The following TENM2 variants were observed in gnomAD, a reference collection of about 807,000 sequenced individuals.
The protein encoded by TENM2 is teneurin-2.
In TENM2, 52 loss-of-function variants were observed where a neutral mutation model predicts 245.2. The ratio of observed to expected loss-of-function variants is 0.21; its 90% confidence interval spans 0.17 to 0.27. TENM2 has a LOEUF of 0.27. Among genes scored for constraint, TENM2 ranks in the 10% least tolerant of loss-of-function variants. TENM2 has a pLI of 1.00. For missense variants in TENM2, 3,046 were observed against 3,666.8 expected (o/e 0.83, Z 4.37); for synonymous variants, 1,363 against 1,438.9 (o/e 0.95, Z 1.19).
intron 5 of TENM2, among the ~76,000 whole-genome samples, chr5:168,008,261 G>A (rs949408382): frequency 6.6e-6 from 1 of 152,130 alleles, no homozygotes; most frequent in Admixed American, 6.5e-5. Context: ...AAAAGGAGAA[G>A]CCAGAATTAA....
intron 2 of TENM2, among the ~76,000 whole-genome samples, chr5:167,593,048 T>G (rs1167084956): frequency 6.6e-6 from 1 of 152,230 alleles, no homozygotes; most frequent in Non-Finnish European, 1.5e-5. Context: ...TCTTAGAAAC[T>G]CTGTGATTCA....
chr5:168,217,015 G>A, intron 22 of TENM2, 93 bp downstream of exon 24: 3 of 1,398,802 alleles, frequency 2.1e-6, no homozygotes, highest in South Asian at 2.4e-5. Context: ...AAGTGGAATG[G>A]GAGGGAGAGA....
At chr5:167,014,970 A>G in the TENM2 span, among the ~76,000 whole-genome samples, 1 of 152,206 alleles carries the variant, frequency 6.6e-6, no homozygotes, top group Non-Finnish European at 1.5e-5. Flanking sequence ...CTGCCTGTTA[A>G]AAAGGTTCTA....
At chr5:167,568,157 C>G (rs187974083) in intron 2 of TENM2, among the ~76,000 whole-genome samples, 23 of 152,142 alleles carry the variant, frequency 1.5e-4, no homozygotes, top group African/African-American at 5.1e-4. Flanking sequence ...TTAAAATGTT[C>G]TCGGCAATGG....
intron 2 of TENM2, among the ~76,000 whole-genome samples, chr5:167,515,336 G>C (rs565574466): frequency 3.8e-4 from 58 of 152,046 alleles, no homozygotes; most frequent in Non-Finnish European, 5.3e-4. Flanking sequence ...TCTTTGCAAG[G>C]CAAATAATAA....
In TENM2 at chr5:168,244,298, G is replaced by A. The variant is rs1766355685; in HGVS notation, c.5521-122G>A. 1 of 808,374 alleles carries A rather than the reference G, an allele frequency of 1.2e-6. No individual in the cohort carries two copies. Among genetic ancestry groups the A allele is most frequent in the Non-Finnish European group, 1.8e-6 (1 of 561,886 alleles). The allele number at this position is 808,374 out of a possible 1,614,324, so 50.1% of individuals were successfully genotyped here. ...GCTTAGAAAGCACTACTCTAACTTT[G>A]GGGTTATTTCTTCCTCCAGTGAACA... On this transcript the variant is annotated intron_variant, in intron 25 of 28. Transcript: ENST00000518659. The surrounding 1 kb of genome is among the most constrained non-coding windows in gnomAD (Gnocchi z 4.9).
intron 2 of TENM2, among the ~76,000 whole-genome samples, chr5:167,592,770 A>G (rs1398742413): frequency 6.6e-6 from 1 of 152,206 alleles, no homozygotes; most frequent in Non-Finnish European, 1.5e-5. Flanking sequence ...TTTTACAGAT[A>G]AGCTCTTATT....
the TENM2 span, among the ~76,000 whole-genome samples, chr5:167,159,970 C>T: frequency 3.9e-5 from 6 of 152,136 alleles, no homozygotes; most frequent in East Asian, 1.9e-4. Flanking sequence ...GTGAAATGTA[C>T]AAGACTCAAA....
intron 2 of TENM2, among the ~76,000 whole-genome samples, chr5:167,758,026 A>G (rs1433478419): frequency 3.9e-5 from 6 of 152,304 alleles, no homozygotes; most frequent in Admixed American, 1.3e-4. Context: ...CTGTCAATAC[A>G]TAAGTGCAAA....
chr5:167,583,790 A>G (rs1333118206), intron 2 of TENM2, among the ~76,000 whole-genome samples: 2 of 151,952 alleles, frequency 1.3e-5, no homozygotes, highest in South Asian at 2.1e-4. Flanking sequence ...TGCTCTCCCA[A>G]TCTTCTACAT....
Position 167,375,507 on chromosome 5 carries a change from TGTGCACTGCACCAC to T in TENM2, c.502+38_502+51del, listed in dbSNP as rs778208834. 29 of 1,542,450 alleles carry T rather than the reference TGTGCACTGCACCAC, an allele frequency of 1.9e-5. No homozygotes were observed. In the African/African-American group the frequency reaches 3.6e-4, roughly 19 times the overall value. On this transcript the variant is annotated intron_variant, in intron 2 of 28. Transcript: ENST00000518659. ...GCTTCTTAAATACCTTTTAACGTTC[TGTGCACTGCACCAC>T]GTGGGGCTTTGAATGTTTTTGTTTT...
At chr5:167,626,324 T>C (rs1778496425) in intron 2 of TENM2, among the ~76,000 whole-genome samples, 1 of 151,726 alleles carries the variant, frequency 6.6e-6, no homozygotes, top group Non-Finnish European at 1.5e-5. Flanking sequence ...TTGGACGATA[T>C]TATCTGGATT....
rs1404637358 is a variant in TENM2, at chr5:168,023,800, A to G, written c.1187-23627A>G. 2.0e-5 allele frequency among the ~76,000 whole-genome samples: 3 copies of G among 152,086 alleles called. No individual in the cohort carries two copies. The East Asian group carries it at 5.8e-4, about 29-fold the overall frequency. Reference sequence around the variant, plus strand: ...ACATCCCGGAGGGTGCTCTCTTGCCACCTGCCCTGGGAGCTCCCTCTTCAT... The same window carrying G: ...ACATCCCGGAGGGTGCTCTCTTGCCGCCTGCCCTGGGAGCTCCCTCTTCAT... On this transcript the variant is annotated intron_variant, in intron 5 of 28. Transcript: ENST00000518659.
At chr5:167,555,162 C>A (rs185200347) in intron 2 of TENM2, among the ~76,000 whole-genome samples, 1 of 152,246 alleles carries the variant, frequency 6.6e-6, no homozygotes, top group Admixed American at 6.5e-5. Context: ...CTTGGAAAAG[C>A]ATTTGCAGCT....
intron 2 of TENM2, among the ~76,000 whole-genome samples, chr5:167,779,247 G>A (rs907047777): frequency 1.3e-5 from 2 of 152,154 alleles, no homozygotes; most frequent in African/African-American, 4.8e-5. Flanking sequence ...CAGCCACAAA[G>A]GTATTTTAGG....
chr5:167,415,816 G>A (rs773448701), intron 2 of TENM2, among the ~76,000 whole-genome samples: 3 of 152,102 alleles, frequency 2.0e-5, no homozygotes, highest in Non-Finnish European at 4.4e-5. Context: ...CTTCGCCGTG[G>A]TACATCTCTA....
chr5:167,718,132 A>T (rs1357399875), intron 2 of TENM2, among the ~76,000 whole-genome samples: 1 of 152,136 alleles, frequency 6.6e-6, no homozygotes, highest in Non-Finnish European at 1.5e-5. Context: ...CTGCAACATG[A>T]CTTGGGGAAC....
intron 2 of TENM2, among the ~76,000 whole-genome samples, chr5:167,651,156 C>A (rs972813698): frequency 1.1e-4 from 16 of 151,848 alleles, no homozygotes; most frequent in African/African-American, 3.9e-4. Flanking sequence ...AACTACCTTG[C>A]ACACTAATTT....
At chr5:167,725,547 C>T (rs1016278469) in intron 2 of TENM2, among the ~76,000 whole-genome samples, 3 of 152,180 alleles carry the variant, frequency 2.0e-5, no homozygotes, top group Admixed American at 2.0e-4. Context: ...CTAAACACCT[C>T]TAATGCATTT....
Sources: gnomAD v4.1 joint callset for allele counts (sites outside exome capture counted in the v4.1 genomes callset) on GRCh38, gnomAD v4.1.1 for gene constraint, Gnocchi (gnomAD v3.1) non-coding constraint, MANE v1.5 for transcripts, NCBI Gene and HGNC (gene_info 2026-07-23, HGNC 2026-07-21) for gene names.